Variants in ITPR2 observed in about 807,000 individuals in gnomAD.
ITPR2 encodes inositol 1,4,5-trisphosphate receptor type 2.
In ITPR2, 207 loss-of-function variants were observed where a neutral mutation model predicts 317.1. The observed-to-expected ratio is 0.65, with a 90% confidence interval of 0.58 to 0.73. ITPR2 has a LOEUF of 0.73. Among genes scored for constraint, ITPR2 ranks in the 30% least tolerant of loss-of-function variants. The probability of loss-of-function intolerance (pLI) is 0.00; values close to 1 mark genes in which losing one functional copy is unlikely to be tolerated. For synonymous variants in ITPR2, 1,156 were observed against 1,149.1 expected, an observed-to-expected ratio of 1.01 and a Z score of -0.12; for missense variants, 2,613 against 3,284.0, an observed-to-expected ratio of 0.80 and a Z score of 4.99.
At chr12:26,469,992 T>A (rs944229667) in intron 45 of ITPR2, among the ~76,000 whole-genome samples, 2 of 152,172 alleles carry the variant, frequency 1.3e-5, no homozygotes, top group African/African-American at 4.8e-5. Flanking sequence ...AACTGGCAAG[T>A]CAGCGGAAGT....
chr12:26,366,328 A>G (rs950089579), intron 55 of ITPR2, among the ~76,000 whole-genome samples: 1 of 152,192 alleles, frequency 6.6e-6, no homozygotes, highest in Non-Finnish European at 1.5e-5. Context: ...ACCTTTGCCA[A>G]CAATTCTTTC....
chr12:26,433,971 T>C (rs1262240579), intron 48 of ITPR2, among the ~76,000 whole-genome samples: 1 of 152,224 alleles, frequency 6.6e-6, no homozygotes, highest in Non-Finnish European at 1.5e-5. Flanking sequence ...TCATACTTTC[T>C]AAGATTTAAA....
At chr12:26,745,539 T>C (rs1555185492) in intron 2 of ITPR2, among the ~76,000 whole-genome samples, 1 of 152,218 alleles carries the variant, frequency 6.6e-6, no homozygotes, top group Non-Finnish European at 1.5e-5. Context: ...AGAAGCACGC[T>C]TGAACTCCTT....
At chr12:26,624,257 G>A (rs1423539624) in intron 24 of ITPR2, 42 bp downstream of exon 24, 1 of 1,284,556 alleles carries the variant, frequency 7.8e-7, no homozygotes. Context: ...TAAGTAAAAT[G>A]TTATTCACAA....
chr12:26,538,601 G>C (rs1186523684), intron 37 of ITPR2, among the ~76,000 whole-genome samples: 2 of 150,832 alleles, frequency 1.3e-5, no homozygotes, highest in African/African-American at 4.9e-5. Context: ...TTTTGAGACA[G>C]AATCTCACTC....
chr12:26,627,063 G>A (rs1591976660), intron 23 of ITPR2, among the ~76,000 whole-genome samples: 2 of 152,114 alleles, frequency 1.3e-5, no homozygotes, highest in African/African-American at 2.4e-5. Context: ...AGTGCTCAGA[G>A]ATAAATTAGC....
At chr12:26,557,881 C>T (rs748123618) in intron 35 of ITPR2, among the ~76,000 whole-genome samples, 10 of 152,080 alleles carry the variant, frequency 6.6e-5, no homozygotes, top group Non-Finnish European at 1.5e-5. Flanking sequence ...TAACTTCTTA[C>T]ATAAAGGAAC....
At chr12:26,667,043 C>T (rs1339085769) in intron 13 of ITPR2, among the ~76,000 whole-genome samples, 1 of 152,146 alleles carries the variant, frequency 6.6e-6, no homozygotes, top group African/African-American at 2.4e-5. Context: ...TAGACAAAAG[C>T]TGACCAATAA....
chr12:26,556,725 G>A (rs937987334), intron 35 of ITPR2, among the ~76,000 whole-genome samples: 3 of 149,470 alleles, frequency 2.0e-5, no homozygotes, highest in African/African-American at 2.5e-5. Context: ...GACATGAGAG[G>A]TACTCATTAC....
intron 39 of ITPR2, among the ~76,000 whole-genome samples, chr12:26,491,983 T>C (rs945134374): frequency 3.9e-5 from 6 of 152,086 alleles, no homozygotes; most frequent in Non-Finnish European, 8.8e-5. Context: ...ACAGTAAACG[T>C]TAAAGGTGTG....
At chr12:26,410,532 A>G (rs1940513186) in intron 52 of ITPR2, among the ~76,000 whole-genome samples, 1 of 152,148 alleles carries the variant, frequency 6.6e-6, no homozygotes, top group South Asian at 2.1e-4. Flanking sequence ...CACCTACACT[A>G]TGCTTAACTC....
chr12:26,682,680 G>T lies in ITPR2; in HGVS notation c.1149-7C>A, dbSNP rs1948057308. ...TAACCGAACATATGAGTTCCTAAAA[G>T]CAAAACAATATAAAAAAACAAATTA... On this transcript the variant is annotated splice_polypyrimidine_tract_variant and splice_region_variant and intron_variant, in intron 11 of 56. Transcript: ENST00000381340. The T allele has an allele frequency of 6.3e-7, 1 of 1,579,814 alleles. No homozygotes were observed. The highest frequency in any genetic ancestry group is 2.2e-5 in the East Asian group (1 of 44,596).
intron 37 of ITPR2, among the ~76,000 whole-genome samples, chr12:26,519,290 T>C (rs1943606959): frequency 6.6e-6 from 1 of 152,292 alleles, no homozygotes; most frequent in African/African-American, 2.4e-5. Context: ...GTTTGTGTGT[T>C]GGTGAATTCC....
chr12:26,466,695 T>C (rs143256943), intron 45 of ITPR2, among the ~76,000 whole-genome samples: 1 of 152,338 alleles, frequency 6.6e-6, no homozygotes, highest in Non-Finnish European at 1.5e-5. Context: ...CTGACAGCCA[T>C]CACATTTTTA....
At chr12:26,627,492 C>G (rs1418399404) in intron 23 of ITPR2, 1 of 152,532 alleles carries the variant, frequency 6.6e-6, no homozygotes, top group East Asian at 1.9e-4. Flanking sequence ...CTGAAGATTA[C>G]AAAGGAAAAG....
chr12:26,794,260 G>A (rs1405494067), intron 1 of ITPR2, among the ~76,000 whole-genome samples: 1 of 152,160 alleles, frequency 6.6e-6, no homozygotes, highest in Non-Finnish European at 1.5e-5. Context: ...AAAATTCTGT[G>A]AGAAGTGTAA....
At chr12:26,541,888 A>G (rs1944272674) in intron 37 of ITPR2, among the ~76,000 whole-genome samples, 1 of 151,876 alleles carries the variant, frequency 6.6e-6, no homozygotes, top group Non-Finnish European at 1.5e-5. Context: ...TTAGAGTTAA[A>G]AAAAAAAAAG....
intron 45 of ITPR2, among the ~76,000 whole-genome samples, chr12:26,466,357 T>A (rs562480781): frequency 6.6e-6 from 1 of 152,370 alleles, no homozygotes; most frequent in Non-Finnish European, 1.5e-5. Context: ...TAGGTATCAA[T>A]TATACTCTTG....
At chr12:26,514,784 A>G in intron 37 of ITPR2, among the ~76,000 whole-genome samples, 1 of 147,120 alleles carries the variant, frequency 6.8e-6, no homozygotes. Context: ...GCACAATAAT[A>G]AAAAATAAAT....
Sources: allele counts gnomAD v4.1 joint callset (sites outside exome capture counted in the v4.1 genomes callset), GRCh38; gene constraint gnomAD v4.1.1; transcripts MANE v1.5; gene names NCBI Gene and HGNC (gene_info 2026-07-23, HGNC 2026-07-21).